Variants in LUC7L observed in about 807,000 individuals in gnomAD.
LUC7L encodes the protein LUC7 like.
LUC7L carries 29 observed loss-of-function variants against 51.1 expected under a neutral mutation model. The ratio of observed to expected loss-of-function variants is 0.57; its 90% CI spans 0.42 to 0.77. The LOEUF is 0.77. Among genes scored for constraint, LUC7L ranks in the 30% least tolerant of loss-of-function variants. The probability of loss-of-function intolerance (pLI) is 0.00; values close to 1 mark genes in which losing one functional copy is unlikely to be tolerated. For synonymous variants in LUC7L, 181 were observed against 180.7 expected (o/e 1.00, Z -0.01); for missense variants, 403 against 511.9 (o/e 0.79, Z 2.05).
intron 3 of LUC7L, 178 bp from the exon 4 acceptor site, chr16:208,366 G>C: frequency 1.9e-6 from 1 of 540,058 alleles, no homozygotes; most frequent in South Asian, 2.4e-5. Context: ...AAATCAAGGG[G>C]ATCTGTTAAA....
intron 4 of LUC7L, among the ~76,000 whole-genome samples, chr16:207,510 A>C (rs1205932780): frequency 6.6e-6 from 1 of 152,196 alleles, no homozygotes; most frequent in Non-Finnish European, 1.5e-5. Context: ...ATAAGCCACC[A>C]AACTCAGCGA....
intron 2 of LUC7L, among the ~76,000 whole-genome samples, chr16:222,128 G>C (rs2049986476): frequency 6.6e-6 from 1 of 152,124 alleles, no homozygotes; most frequent in South Asian, 2.1e-4. Context: ...AGTACAATTA[G>C]AAAACAGTGT....
intron 3 of LUC7L, among the ~76,000 whole-genome samples, chr16:218,225 CG>C (rs1185204411): frequency 6.6e-6 from 1 of 151,696 alleles, no homozygotes; most frequent in Non-Finnish European, 1.5e-5. Context: ...TACTGTAAAA[CG>C]TATTGACATC....
chr16:199,165 G>T lies in LUC7L; in HGVS notation c.584C>A (p.Ala195Asp). The T allele has an allele frequency of 1.9e-6, 3 of 1,613,100 alleles. No individual in the cohort carries two copies. The highest frequency in any genetic ancestry group is 2.5e-6 in the Non-Finnish European group (3 of 1,179,094). The change falls in exon 6 of 10, where the codon GCC (alanine) becomes GAC (aspartate). Residue 195 changes from alanine to aspartate, a missense_variant. Ala to Asp is a moderately radical substitution (Grantham distance 126, BLOSUM62 -2). Around this residue, in one of 3 missense-constraint regions of LUC7L, gnomAD observed 182 missense variants for 248.4 expected, o/e 0.73. Coordinates refer to ENST00000293872, the MANE Select transcript of LUC7L (RefSeq NM_201412.3). ...QKLRVCEVCSAYLGLHDNDRR... is the reference protein window; with the variant it reads ...QKLRVCEVCSDYLGLHDNDRR... Reference sequence around the variant, plus strand: ...GTCATTGTCATGGAGACCAAGGTAGGCTGAACAGACCTCGCAGACACGCAG... The same window carrying T: ...GTCATTGTCATGGAGACCAAGGTAGTCTGAACAGACCTCGCAGACACGCAG...
rs376499817 is a variant in LUC7L, at chr16:222,951, TAA to T, written c.157-2206_157-2205del. ...AGCTTTTTAAAGAGACCCCGTCTTT[TAA>T]AAAAAAAAAAAAAAAAAGAAAGGAA... is the stretch of plus-strand genomic sequence containing the variant. On this transcript the variant is annotated intron_variant, in intron 2 of 9. Transcript: ENST00000293872. Among the ~76,000 whole-genome samples the T allele has an allele frequency of 9.6e-3, 1,146 of 119,842 alleles. 16 individuals are homozygous for T. The highest frequency in any genetic ancestry group is 0.029 in the African/African-American group (957 of 32,934). The allele number at this position is 119,842 out of a possible 152,430, so 78.6% of individuals were successfully genotyped here. A position where few individuals can be genotyped will look rare whatever the true frequency, so the allele number is the denominator to read the frequency against.
At chr16:229,251 C>T in intron 1 of LUC7L, 28 bp downstream of exon 1, 1 of 1,530,126 alleles carries the variant, frequency 6.5e-7, no homozygotes, top group South Asian at 1.2e-5. Flanking sequence ...CACCCCAGAC[C>T]CTCGCCTGGT....
Position 220,887 on chromosome 16 carries a change from G to C in LUC7L, c.157-140C>G, listed in dbSNP as rs1273266851. ...ACACTGCAATAAGAAAATTAAGAAAGGAGATATGGCTGAGAAGCCTCATTT... is the reference window on the plus strand; with the variant it reads ...ACACTGCAATAAGAAAATTAAGAAACGAGATATGGCTGAGAAGCCTCATTT... On this transcript the variant is annotated intron_variant, in intron 2 of 9. Coordinates refer to ENST00000293872, the MANE Select transcript of LUC7L (RefSeq NM_201412.3). 4.8e-6 allele frequency: 3 copies of C among 623,870 alleles called. No homozygotes were observed. The Admixed American group carries it at 9.1e-5, about 19-fold the overall frequency. 38.6% of individuals were successfully genotyped at this position (623,870 alleles called of 1,614,324 possible).
intron 6 of LUC7L, among the ~76,000 whole-genome samples, 174 bp from the exon 7 acceptor site, chr16:193,189 A>AC (rs71391120): frequency 1.7e-3 from 258 of 151,868 alleles, no homozygotes; most frequent in African/African-American, 5.9e-3. Flanking sequence ...TCTCACTGTC[A>AC]CCAGGCTGGA....
intron 3 of LUC7L, among the ~76,000 whole-genome samples, chr16:214,465 T>G (rs1027960930): frequency 6.6e-6 from 1 of 152,226 alleles, no homozygotes; most frequent in African/African-American, 2.4e-5. Context: ...TTTCTCTTCT[T>G]GGGCATTTTT....
chr16:219,019 G>C (rs926020401), intron 3 of LUC7L, among the ~76,000 whole-genome samples: 2 of 150,696 alleles, frequency 1.3e-5, no homozygotes, highest in African/African-American at 4.9e-5. Context: ...CTATCACTGA[G>C]CCGAAGAGGT....
In LUC7L at chr16:199,042, C is replaced by T; in HGVS notation, c.687+20G>A. On this transcript the variant is annotated intron_variant, in intron 6 of 9. Transcript: ENST00000293872. ...ACACCCCAAGACTCCTCAGCTTTCT[C>T]CAGAAACAGATGAACATACCCTCAA... 6.4e-7 allele frequency: 1 copy of T among 1,574,134 alleles called. No individual in the cohort carries two copies. The highest frequency in any genetic ancestry group is 8.7e-7 in the Non-Finnish European group (1 of 1,153,982).
At chr16:191,246 C>T (rs200284756) in intron 7 of LUC7L, among the ~76,000 whole-genome samples, 1 of 152,190 alleles carries the variant, frequency 6.6e-6, no homozygotes, top group East Asian at 1.9e-4. Context: ...GCGAGTGGGG[C>T]ACACCAAAAA....
chr16:224,256 T>C (rs893212477), intron 2 of LUC7L, among the ~76,000 whole-genome samples: 5 of 151,954 alleles, frequency 3.3e-5, no homozygotes, highest in African/African-American at 7.3e-5. Context: ...CGGTGGCTCA[T>C]GCCTATAATC....
rs541927086 is a variant in LUC7L at position 229,415 on chromosome 16, A to T, written c.-76T>A. On this transcript the variant is annotated 5_prime_UTR_variant, in exon 1 of 10. Coordinates refer to ENST00000293872, the MANE Select transcript of LUC7L (RefSeq NM_201412.3). Reference sequence around the variant, plus strand: ...GCGGTGGCAGCGGCGTCGACAAACGATGGTCGCGTCGGCCTCGAGCCCACT... The same window carrying T: ...GCGGTGGCAGCGGCGTCGACAAACGTTGGTCGCGTCGGCCTCGAGCCCACT... 3.1e-4 allele frequency: 415 copies of T among 1,321,190 alleles called. No individual in the cohort carries two copies. The African/African-American group carries it at 6.0e-3, about 19-fold the overall frequency. The allele number at this position is 1,321,190 out of a possible 1,614,324, so 81.8% of individuals were successfully genotyped here. A position where few individuals can be genotyped will look rare whatever the true frequency, so the allele number is the denominator to read the frequency against.
chr16:207,988 G>A (rs1335377453), intron 4 of LUC7L, 90 bp downstream of exon 4: 2 of 833,436 alleles, frequency 2.4e-6, no homozygotes, highest in Non-Finnish European at 3.8e-6. Flanking sequence ...CAGCCTGGGT[G>A]ACAGAGGGAG....
chr16:191,819 T>C (rs1359724872), intron 7 of LUC7L, among the ~76,000 whole-genome samples: 1 of 152,234 alleles, frequency 6.6e-6, no homozygotes. Flanking sequence ...CACTCCAGCC[T>C]GGTGACAGAG....
chr16:205,873 G>A, intron 5 of LUC7L, 131 bp downstream of exon 5: 2 of 1,039,302 alleles, frequency 1.9e-6, no homozygotes, highest in Middle Eastern at 2.2e-4. Context: ...ACAGGCGTGA[G>A]CCACTGTGCT....
chr16:221,231 G>A (rs1360277409), intron 2 of LUC7L, among the ~76,000 whole-genome samples: 1 of 137,462 alleles, frequency 7.3e-6, no homozygotes, highest in East Asian at 2.2e-4. Context: ...TTTCAGTAGG[G>A]ACAGGGTTTC....
At chr16:199,862 T>C (rs935276356) in intron 5 of LUC7L, among the ~76,000 whole-genome samples, 2 of 150,054 alleles carry the variant, frequency 1.3e-5, no homozygotes, top group African/African-American at 2.5e-5. Context: ...TGGTGGCACA[T>C]GCCTGTAGTC....
Sources: allele counts gnomAD v4.1 joint callset (sites outside exome capture counted in the v4.1 genomes callset), GRCh38; gene constraint gnomAD v4.1.1; regional missense constraint gnomAD v4.1.1; transcripts MANE v1.5; gene names NCBI Gene and HGNC (gene_info 2026-07-23, HGNC 2026-07-21).